The following SACM1L variants were observed in gnomAD, a reference collection of about 807,000 sequenced individuals.
SACM1L encodes the protein phosphatidylinositol-3-phosphatase SAC1.
SACM1L carries 32 observed loss-of-function variants against 89.5 expected under a neutral mutation model. The observed-to-expected ratio is 0.36, with a 90% CI of 0.27 to 0.48. SACM1L has a LOEUF of 0.48. Among genes scored for constraint, SACM1L ranks in the 20% least tolerant of loss-of-function variants. The probability of loss-of-function intolerance (pLI) is 0.99; values close to 1 mark genes in which losing one functional copy is unlikely to be tolerated. For missense variants in SACM1L, 543 were observed against 708.5 expected, an observed-to-expected ratio of 0.77 and a Z score of 2.65; for synonymous variants, 213 against 232.8, an observed-to-expected ratio of 0.92 and a Z score of 0.77.
At chr3:45,735,499 C>T in intron 14 of SACM1L, 126 bp downstream of exon 14, 1 of 925,288 alleles carries the variant, frequency 1.1e-6, no homozygotes, top group Non-Finnish European at 1.5e-6. Context: ...ATTTTTGTGT[C>T]TTGCCCATGG....
At chr3:45,733,132 C>T (rs375429691) in intron 13 of SACM1L, among the ~76,000 whole-genome samples, 1 of 152,116 alleles carries the variant, frequency 6.6e-6, no homozygotes. Context: ...TAACTGCTGC[C>T]GTACAAGAGT....
intron 11 of SACM1L, among the ~76,000 whole-genome samples, chr3:45,729,833 G>A (rs192449174): frequency 1.3e-5 from 2 of 151,932 alleles, no homozygotes; most frequent in East Asian, 1.9e-4. Flanking sequence ...CATTTGGGAA[G>A]GTTTTGGCTA....
intron 11 of SACM1L, among the ~76,000 whole-genome samples, chr3:45,727,281 G>A (rs1052967958): frequency 1.3e-5 from 2 of 152,130 alleles, no homozygotes; most frequent in Admixed American, 1.3e-4. Flanking sequence ...TGAACCAGTG[G>A]TTCAGTATGT....
intron 1 of SACM1L, among the ~76,000 whole-genome samples, chr3:45,698,912 A>G (rs1170500956): frequency 1.3e-5 from 2 of 152,080 alleles, no homozygotes; most frequent in Non-Finnish European, 2.9e-5. Flanking sequence ...CTGGGACTAC[A>G]GGCACGTGCC....
At chr3:45,737,914 G>C in intron 16 of SACM1L, 70 bp downstream of exon 16, 2 of 1,301,648 alleles carry the variant, frequency 1.5e-6, no homozygotes, top group South Asian at 2.4e-5. Context: ...AAAATCACCT[G>C]GGCAGCTTTC....
At chr3:45,714,838 A>G (rs1698612668) in intron 7 of SACM1L, among the ~76,000 whole-genome samples, 1 of 152,202 alleles carries the variant, frequency 6.6e-6, no homozygotes, top group African/African-American at 2.4e-5. Flanking sequence ...CTCTTAAAGG[A>G]TATATAAGCA....
intron 1 of SACM1L, among the ~76,000 whole-genome samples, chr3:45,697,258 CTT>C (rs1019992903): frequency 2.3e-5 from 2 of 86,966 alleles, no homozygotes; most frequent in Non-Finnish European, 5.0e-5. Flanking sequence ...CTTTGTTTTT[CTT>C]TTCTTTTCCT....
intron 5 of SACM1L, 80 bp from the exon 6 acceptor site, chr3:45,713,057 A>G (rs1417501804): frequency 7.0e-6 from 8 of 1,140,110 alleles, no homozygotes; most frequent in Non-Finnish European, 1.0e-5. Context: ...TCAGAAAGAG[A>G]CATTGATTGG....
chr3:45,705,142 A>G lies in SACM1L; in HGVS notation c.138A>G (p.Lys46=), dbSNP rs762470233. ...CTTTCCTTTCTTTTAAAGTCAAGAA[A>G]GATGTTCCTCCTTCAGCTGTCACAA... ...VSTEVTLAVK[K]DVPPSAVTRP... Residue 46 remains lysine, a synonymous_variant, in exon 3 of 20, where the codon AAA becomes AAG. Coordinates refer to ENST00000389061, the MANE Select transcript of SACM1L (RefSeq NM_014016.5). 1.1e-5 allele frequency: 17 copies of G among 1,605,000 alleles called. No individual in the cohort carries two copies. The highest frequency in any genetic ancestry group is 8.9e-5 in the South Asian group (8 of 90,128).
intron 5 of SACM1L, among the ~76,000 whole-genome samples, chr3:45,712,652 G>A (rs1479399709): frequency 1.3e-5 from 2 of 152,198 alleles, no homozygotes. Flanking sequence ...TCCTAGGACT[G>A]ATTAGGCCAT....
At chr3:45,719,108 C>T (rs2742406) in intron 7 of SACM1L, among the ~76,000 whole-genome samples, 62,997 of 151,864 alleles carry the variant, frequency 0.41, 14,888 homozygotes, top group Middle Eastern at 0.56. Context: ...GCTGCAGTAG[C>T]CTAGCCTTCC....
chr3:45,706,937 G>A (rs2742441), intron 4 of SACM1L, 30 bp downstream of exon 4: 799,454 of 1,597,844 alleles, frequency 0.5, 204,899 homozygotes, highest in Middle Eastern at 0.53. Flanking sequence ...ACTAATTGCA[G>A]CGCCCAAAGA....
chr3:45,725,631 C>T (rs1396016318), intron 11 of SACM1L, among the ~76,000 whole-genome samples: 2 of 149,968 alleles, frequency 1.3e-5, no homozygotes, highest in African/African-American at 2.4e-5. Flanking sequence ...TATATAAGAT[C>T]GTGTCACCTG....
At chr3:45,731,943 G>T in intron 12 of SACM1L, 110 bp from the exon 13 acceptor site, 1 of 639,068 alleles carries the variant, frequency 1.6e-6, no homozygotes. Context: ...GTGTTCCCAA[G>T]AAATATGTAT....
chr3:45,698,605 C>T (rs749881376), intron 1 of SACM1L, among the ~76,000 whole-genome samples: 1 of 152,146 alleles, frequency 6.6e-6, no homozygotes, highest in African/African-American at 2.4e-5. Flanking sequence ...GGCTGGAGTG[C>T]GATGGCGCAA....
chr3:45,693,659 T>C (rs530024313), intron 1 of SACM1L, among the ~76,000 whole-genome samples: 30 of 152,346 alleles, frequency 2.0e-4, no homozygotes, highest in African/African-American at 7.2e-4. Context: ...TTCATTGCAT[T>C]ATCCATATGA....
At chr3:45,710,432 A>G (rs1698499425) in intron 5 of SACM1L, among the ~76,000 whole-genome samples, 1 of 149,312 alleles carries the variant, frequency 6.7e-6, no homozygotes. Flanking sequence ...GCCTCAAGTG[A>G]TCCACCCACC....
chr3:45,727,802 A>G (rs1417995300), intron 11 of SACM1L, among the ~76,000 whole-genome samples: 2 of 152,002 alleles, frequency 1.3e-5, no homozygotes, highest in African/African-American at 2.4e-5. Flanking sequence ...TTACCGTGTT[A>G]GCCAGGGTGG....
rs1255853877 is a variant in SACM1L at position 45,727,034 on chromosome 3, C to T, written c.921+3491C>T. ...CCGAGTAGCTGGGACTACAGGCGCC[C>T]GCCACCGCGCCCGGCTAATTTTTTG... On this transcript the variant is annotated intron_variant, in intron 11 of 19. Transcript: ENST00000389061. Among the ~76,000 whole-genome samples the T allele has an allele frequency of 6.8e-5, 5 of 73,650 alleles. 2 individuals are homozygous for T. The highest frequency in any genetic ancestry group is 5.1e-4 in the Admixed American group (4 of 7,770). 48.3% of individuals were successfully genotyped at this position (73,650 alleles called of 152,430 possible).
Sources: allele counts gnomAD v4.1 joint callset (sites outside exome capture counted in the v4.1 genomes callset), GRCh38; gene constraint gnomAD v4.1.1; transcripts MANE v1.5; gene names NCBI Gene and HGNC (gene_info 2026-07-23, HGNC 2026-07-21).